NFAM1: variants seen among roughly 807,000 people sequenced by gnomAD.
NFAM1 encodes the protein NFAT activating protein with ITAM motif 1.
NFAM1 carries 17 observed loss-of-function variants against 29.0 expected under a neutral mutation model. That is an observed-to-expected ratio of 0.59 (90% CI 0.40 to 0.88). The LOEUF is 0.88. Among genes scored for constraint, NFAM1 ranks in the 40% least tolerant of loss-of-function variants. The pLI is 0.00. For synonymous variants in NFAM1, 175 were observed against 147.2 expected (o/e 1.19, Z -1.36); for missense variants, 324 against 344.6 (o/e 0.94, Z 0.47).
rs375331733 is a variant in NFAM1 at position 42,409,395 on chromosome 22, G to T, written c.564+40C>A. 9 of 1,139,418 alleles carry T rather than the reference G, an allele frequency of 7.9e-6. No homozygotes were observed. The highest frequency in any genetic ancestry group is 2.1e-4 in the Middle Eastern group (1 of 4,742). 70.6% of individuals were successfully genotyped at this position (1,139,418 alleles called of 1,614,324 possible). On this transcript the variant is annotated intron_variant, in intron 3 of 5. Transcript: ENST00000329021. This position sits in a 1 kb window ranked among gnomAD's most constrained non-coding sequence, Gnocchi z 4.9. ...GCAGGCGGGCAGCCGGTGGCGTGTCGGGTGGAGGGGCTGCATGGCTGTGAG... is the reference window on the plus strand; with the variant it reads ...GCAGGCGGGCAGCCGGTGGCGTGTCTGGTGGAGGGGCTGCATGGCTGTGAG...
intron 1 of NFAM1, 39 bp from the exon 2 acceptor site, chr22:42,411,775 G>T: frequency 6.8e-7 from 1 of 1,470,858 alleles, no homozygotes; most frequent in South Asian, 1.2e-5. Context: ...CAGGTCACTT[G>T]AGGCTGCCTC....
chr22:42,397,562 C>T (rs1365643457), intron 4 of NFAM1, among the ~76,000 whole-genome samples: 1 of 152,156 alleles, frequency 6.6e-6, no homozygotes, highest in Non-Finnish European at 1.5e-5. Flanking sequence ...TCTTCGCCAA[C>T]TTGTGCCGTC....
intron 1 of NFAM1, among the ~76,000 whole-genome samples, chr22:42,428,564 C>A (rs1930699282): frequency 6.6e-6 from 1 of 152,156 alleles, no homozygotes; most frequent in Non-Finnish European, 1.5e-5. Context: ...GCCTCAGCCT[C>A]CTGAGTAGCT....
chr22:42,396,483 T>TTATATA (rs56372586), intron 4 of NFAM1, among the ~76,000 whole-genome samples: 7 of 149,970 alleles, frequency 4.7e-5, no homozygotes, highest in Non-Finnish European at 7.4e-5. Context: ...TTTTCTTCTT[T>TTATATA]TATATATATA....
At chr22:42,412,678 G>A (rs921349198) in intron 1 of NFAM1, among the ~76,000 whole-genome samples, 2 of 152,212 alleles carry the variant, frequency 1.3e-5, no homozygotes, top group Non-Finnish European at 2.9e-5. Flanking sequence ...AGGGAGGCAG[G>A]TCTGCCCACA....
At chr22:42,418,793 A>G (rs896372776) in intron 1 of NFAM1, among the ~76,000 whole-genome samples, 1 of 151,984 alleles carries the variant, frequency 6.6e-6, no homozygotes. Flanking sequence ...CCAGGCACAG[A>G]AGGACCCCCA....
At chr22:42,406,232 C>T (rs987779134) in intron 3 of NFAM1, among the ~76,000 whole-genome samples, 10 of 149,472 alleles carry the variant, frequency 6.7e-5, no homozygotes, top group South Asian at 2.1e-4. Flanking sequence ...CCTTTGGGTC[C>T]GCTTCCAGCC....
chr22:42,404,286 G>A (rs942202624), intron 3 of NFAM1, among the ~76,000 whole-genome samples: 1 of 152,040 alleles, frequency 6.6e-6, no homozygotes, highest in African/African-American at 2.4e-5. Context: ...CGCGGTTCGG[G>A]TCCACCCTCT....
chr22:42,397,473 T>G (rs1929568912), intron 4 of NFAM1, among the ~76,000 whole-genome samples: 1 of 152,192 alleles, frequency 6.6e-6, no homozygotes, highest in Non-Finnish European at 1.5e-5. Context: ...TTCCTCTTTT[T>G]GTGATTTTTG....
In NFAM1 at chr22:42,390,816, CAAAAAAAA is replaced by C. The variant is rs11343542; in HGVS notation, c.664-3746_664-3739del. On this transcript the variant is annotated intron_variant, in intron 4 of 5. Coordinates refer to ENST00000329021, the MANE Select transcript of NFAM1 (RefSeq NM_145912.8). ...TGGGCAACAGAGTGAGACTCCGTCT[CAAAAAAAA>C]AAAAAAAAAAAAGAGGGAGCAGCCG... Among the ~76,000 whole-genome samples the C allele has an allele frequency of 3.4e-4, 37 of 107,588 alleles. 1 individual carries two copies. The highest frequency in any genetic ancestry group is 1.3e-3 in the African/African-American group (37 of 29,550). 70.6% of individuals were successfully genotyped at this position (107,588 alleles called of 152,430 possible). A position where few individuals can be genotyped will look rare whatever the true frequency, so the allele number is the denominator to read the frequency against.
At chr22:42,429,682 C>T (rs138205436) in intron 1 of NFAM1, among the ~76,000 whole-genome samples, 17 of 152,322 alleles carry the variant, frequency 1.1e-4, no homozygotes, top group African/African-American at 3.8e-4. Flanking sequence ...CCTAAGCCAG[C>T]ATCCTCTCGC....
chr22:42,391,761 A>G (rs1440732173), intron 4 of NFAM1, among the ~76,000 whole-genome samples: 1 of 151,910 alleles, frequency 6.6e-6, no homozygotes, highest in African/African-American at 2.4e-5. Flanking sequence ...CCTGGCCAAC[A>G]TGTTGAAACC....
rs138498066 is a variant in NFAM1, at chr22:42,388,468, G to A, written c.664-1390C>T. On this transcript the variant is annotated intron_variant, in intron 4 of 5. Coordinates refer to ENST00000329021, the MANE Select transcript of NFAM1 (RefSeq NM_145912.8). This position sits in a 1 kb window ranked among gnomAD's most constrained non-coding sequence, Gnocchi z 4.1. ...CCTCCCTCAGAACCTGTTGGACTCC[G>A]GAGCAGAGCCCACCAACAGCCTAAG... Among the ~76,000 whole-genome samples, 139 of 152,260 alleles carry A rather than the reference G, an allele frequency of 9.1e-4. No individual in the cohort carries two copies. The highest frequency in any genetic ancestry group is 3.2e-3 in the African/African-American group (135 of 41,546).
rs1208652188 is a variant in NFAM1, at chr22:42,388,208, T to C, written c.664-1130A>G. ...CAAGAGTAGGTTCGAATCTCGGCTC[T>C]GACTGCGCCAGCCAAAGGCAACCCC... On this transcript the variant is annotated intron_variant, in intron 4 of 5. Transcript: ENST00000329021. The surrounding 1 kb of genome is among the most constrained non-coding windows in gnomAD (Gnocchi z 4.1). Among the ~76,000 whole-genome samples the C allele has an allele frequency of 9.7e-6, 1 of 102,618 alleles. No individual in the cohort carries two copies. The highest frequency in any genetic ancestry group is 1.1e-4 in the Admixed American group (1 of 9,086). 67.3% of individuals were successfully genotyped at this position (102,618 alleles called of 152,430 possible). A position where few individuals can be genotyped will look rare whatever the true frequency, so the allele number is the denominator to read the frequency against.
chr22:42,398,459 C>T (rs2147098167), intron 3 of NFAM1, among the ~76,000 whole-genome samples: 1 of 151,090 alleles, frequency 6.6e-6, no homozygotes, highest in Non-Finnish European at 1.5e-5. Flanking sequence ...GTTGCCCAGG[C>T]TGGGGTGCAA....
intron 1 of NFAM1, among the ~76,000 whole-genome samples, chr22:42,425,821 C>T (rs1930604099): frequency 6.6e-6 from 1 of 152,218 alleles, no homozygotes; most frequent in African/African-American, 2.4e-5. Context: ...TTGGCTCTGC[C>T]CACAGCCTCA....
chr22:42,406,333 G>T (rs1929896944), intron 3 of NFAM1, among the ~76,000 whole-genome samples: 1 of 152,162 alleles, frequency 6.6e-6, no homozygotes, highest in South Asian at 2.1e-4. Flanking sequence ...TCCTCACTGG[G>T]TGTCCCTCAC....
upstream of NFAM1, among the ~76,000 whole-genome samples, chr22:42,435,912 C>A (rs753495159): frequency 1.3e-5 from 2 of 149,406 alleles, no homozygotes; most frequent in South Asian, 2.1e-4. Flanking sequence ...CTCTGCCTTG[C>A]GGGTTCAAGT....
intron 3 of NFAM1, among the ~76,000 whole-genome samples, chr22:42,400,694 C>G (rs1386126387): frequency 6.6e-6 from 1 of 152,214 alleles, no homozygotes; most frequent in Non-Finnish European, 1.5e-5. Flanking sequence ...TTGGATCAAA[C>G]CCAGATGTGT....
Sources: allele counts gnomAD v4.1 joint callset (sites outside exome capture counted in the v4.1 genomes callset), GRCh38; gene constraint gnomAD v4.1.1; non-coding constraint Gnocchi (gnomAD v3.1); transcripts MANE v1.5; gene names NCBI Gene and HGNC (gene_info 2026-07-23, HGNC 2026-07-21).